DLGAP2: variants seen among roughly 807,000 people sequenced by gnomAD.
The protein encoded by DLGAP2 is DLG associated protein 2.
Under a neutral mutation model 100.3 loss-of-function variants are expected in DLGAP2, and 26 were observed. The observed-to-expected ratio is 0.26, with a 90% CI of 0.19 to 0.36. The LOEUF (loss-of-function observed/expected upper bound fraction) is 0.36, where lower values mean the gene tolerates loss of function less well. Among genes scored for constraint, DLGAP2 ranks in the 10% least tolerant of loss-of-function variants. The pLI, the probability that DLGAP2 is intolerant of heterozygous loss-of-function variation, is 1.00. For synonymous variants in DLGAP2, 886 were observed against 630.1 expected (o/e 1.41, Z -6.08); for missense variants, 1,858 against 1,453.2 (o/e 1.28, Z -4.53).
chr8:884,040 T>C (rs991540527), intron 1 of DLGAP2, among the ~76,000 whole-genome samples: 2 of 152,254 alleles, frequency 1.3e-5, no homozygotes, highest in Admixed American at 1.3e-4. Context: ...CAGTCTATCA[T>C]TGATGGGCAT....
rs1284352253 is a variant in DLGAP2 at position 1,236,897 on chromosome 8, G to A, written c.74-21954G>A. ...ATCGTGTCTAGTTCTCTAACATGGC[G>A]CCATGTTTAGTTCTCTCACATGGTG... On this transcript the variant is annotated intron_variant, in intron 2 of 14. Coordinates refer to ENST00000637795, the MANE Select transcript of DLGAP2 (RefSeq NM_001346810.2). 1.1e-3 allele frequency among the ~76,000 whole-genome samples: 108 copies of A among 98,574 alleles called. No individual in the cohort carries two copies. The East Asian group carries it at 0.014, about 13-fold the overall frequency. 64.7% of individuals were successfully genotyped at this position (98,574 alleles called of 152,430 possible).
At chr8:1,581,004 C>T (rs979615047) in intron 6 of DLGAP2, among the ~76,000 whole-genome samples, 2 of 149,502 alleles carry the variant, frequency 1.3e-5, no homozygotes, top group African/African-American at 2.5e-5. Context: ...ACAGACAAAA[C>T]CCCACACATA....
At chr8:1,425,888 T>C (rs1322624051) in intron 3 of DLGAP2, among the ~76,000 whole-genome samples, 1 of 152,076 alleles carries the variant, frequency 6.6e-6, no homozygotes, top group Non-Finnish European at 1.5e-5. Flanking sequence ...GCTTGGTGTC[T>C]GAAAGCAGGG....
intron 2 of DLGAP2, among the ~76,000 whole-genome samples, chr8:970,641 A>C (rs1799989051): frequency 6.6e-6 from 1 of 152,226 alleles, no homozygotes; most frequent in South Asian, 2.1e-4. Flanking sequence ...TTTCTTCTAA[A>C]CTGTCTGAGA....
rs187821156 is a variant in DLGAP2 at position 1,101,290 on chromosome 8, G to A, written c.74-157561G>A. Among the ~76,000 whole-genome samples, 447 of 152,334 alleles carry A rather than the reference G, an allele frequency of 2.9e-3. 5 individuals are homozygous for A. Among genetic ancestry groups the A allele is most frequent in the African/African-American group, 0.01 (424 of 41,570 alleles). The stretch of plus-strand genomic sequence containing the variant: ...CACCAACACAGGGTGGGGGGCCAAG[G>A]CCGAGGAGCAGGGGGGCCATTTGTT... On this transcript the variant is annotated intron_variant, in intron 2 of 14. Transcript: ENST00000637795.
chr8:918,501 G>A (rs1359842908), intron 2 of DLGAP2, among the ~76,000 whole-genome samples: 6 of 152,144 alleles, frequency 3.9e-5, no homozygotes, highest in Non-Finnish European at 7.3e-5. Context: ...AGACAGGCAC[G>A]GCTGTGTCTG....
intron 3 of DLGAP2, among the ~76,000 whole-genome samples, chr8:1,495,699 A>G (rs1241041708): frequency 6.6e-6 from 1 of 151,752 alleles, no homozygotes; most frequent in African/African-American, 2.4e-5. Context: ...TGCAGATTGC[A>G]GACGCTCATC....
In DLGAP2 at chr8:1,208,837, A is replaced by G. The variant is rs184216476; in HGVS notation, c.74-50014A>G. Among the ~76,000 whole-genome samples, 18 of 151,924 alleles carry G rather than the reference A, an allele frequency of 1.2e-4. 1 individual carries two copies. The highest frequency in any genetic ancestry group is 4.3e-4 in the African/African-American group (18 of 41,436). On this transcript the variant is annotated intron_variant, in intron 2 of 14. Coordinates refer to ENST00000637795, the MANE Select transcript of DLGAP2 (RefSeq NM_001346810.2). ...GACGGAGCTGAGAATCAGATCAAGA[A>G]CTCCACCCCTTTACAATAATAGCTG...
intron 2 of DLGAP2, among the ~76,000 whole-genome samples, chr8:1,222,119 G>A (rs1798325814): frequency 6.6e-6 from 1 of 152,152 alleles, no homozygotes; most frequent in Non-Finnish European, 1.5e-5. Context: ...CATTGCCGGG[G>A]AGCTAGAGCA....
At chr8:1,429,475 A>G (rs1045133330) in intron 3 of DLGAP2, among the ~76,000 whole-genome samples, 8 of 152,206 alleles carry the variant, frequency 5.3e-5, no homozygotes, top group Admixed American at 3.3e-4. Flanking sequence ...TACAGGAGAC[A>G]TAAGAGATAC....
At chr8:1,311,043 CAAAG>C (rs893493396) in intron 3 of DLGAP2, among the ~76,000 whole-genome samples, 4 of 144,838 alleles carry the variant, frequency 2.8e-5, no homozygotes, top group Admixed American at 6.9e-5. Context: ...ATGACACTGA[CAAAG>C]AAAAAAAAAA....
intron 1 of DLGAP2, among the ~76,000 whole-genome samples, chr8:765,039 A>C (rs1241055287): frequency 1.3e-5 from 2 of 152,194 alleles, no homozygotes; most frequent in South Asian, 2.1e-4. Flanking sequence ...GAAAAGTTTG[A>C]ATTGGCATTT....
At chr8:1,198,442 G>C (rs550020171) in intron 2 of DLGAP2, among the ~76,000 whole-genome samples, 3 of 152,146 alleles carry the variant, frequency 2.0e-5, no homozygotes, top group African/African-American at 7.2e-5. Context: ...GCAGGTGGCA[G>C]CTGCCTCCCA....
chr8:1,099,508 T>C lies in DLGAP2; in HGVS notation c.74-159343T>C, dbSNP rs374178311. Among the ~76,000 whole-genome samples, 29 of 152,348 alleles carry C rather than the reference T, an allele frequency of 1.9e-4. No homozygotes were observed. In the East Asian group the frequency reaches 4.1e-3, roughly 21 times the overall value. On this transcript the variant is annotated intron_variant, in intron 2 of 14. Transcript: ENST00000637795. ...CAGCCCTCAGGGAGTTTCTGGTCTG[T>C]GCTACCACATCCTCGCAGTGGTGTC...
intron 1 of DLGAP2, among the ~76,000 whole-genome samples, chr8:750,849 A>T (rs1415300326): frequency 1.3e-5 from 2 of 152,210 alleles, no homozygotes; most frequent in Non-Finnish European, 2.9e-5. Flanking sequence ...AAAGAATTCA[A>T]ATTGGCTAAA....
At chr8:1,579,987 T>C (rs746352009) in intron 6 of DLGAP2, among the ~76,000 whole-genome samples, 24 of 152,266 alleles carry the variant, frequency 1.6e-4, no homozygotes, top group Non-Finnish European at 2.5e-4. Context: ...CCTGATGGCC[T>C]CAACACCTCC....
At chr8:1,235,367 T>A (rs1409365832) in intron 2 of DLGAP2, among the ~76,000 whole-genome samples, 1 of 151,332 alleles carries the variant, frequency 6.6e-6, no homozygotes, top group Non-Finnish European at 1.5e-5. Flanking sequence ...TGGCGTCGTG[T>A]CTAGTTCCCT....
intron 2 of DLGAP2, among the ~76,000 whole-genome samples, chr8:1,153,102 C>T (rs142574079): frequency 6.6e-6 from 1 of 152,288 alleles, no homozygotes; most frequent in Admixed American, 6.5e-5. Context: ...CCTTCTCCCC[C>T]TGCTTTGACC....
intron 6 of DLGAP2, among the ~76,000 whole-genome samples, chr8:1,617,256 C>T (rs905566154): frequency 2.6e-5 from 4 of 152,126 alleles, no homozygotes; most frequent in Non-Finnish European, 5.9e-5. Flanking sequence ...AATGGGATTG[C>T]TGGGTCAGAT....
Sources: allele counts gnomAD v4.1 joint callset (sites outside exome capture counted in the v4.1 genomes callset), GRCh38; gene constraint gnomAD v4.1.1; transcripts MANE v1.5; gene names NCBI Gene and HGNC (gene_info 2026-07-23, HGNC 2026-07-21).